Variants in PTK2 observed in about 807,000 individuals in gnomAD.
PTK2 encodes the protein protein tyrosine kinase 2.
In PTK2, 45 loss-of-function variants were observed where a neutral mutation model predicts 150.1. The observed-to-expected ratio is 0.30, with a 90% CI of 0.24 to 0.38. The LOEUF is 0.38. Among genes scored for constraint, PTK2 ranks in the 10% least tolerant of loss-of-function variants. The pLI is 1.00. For missense variants in PTK2, 919 were observed against 1,307.3 expected (o/e 0.70, Z 4.58); for synonymous variants, 432 against 449.2 (o/e 0.96, Z 0.48).
chr8:140,662,228 T>C (rs913976050), intron 31 of PTK2, among the ~76,000 whole-genome samples: 2 of 151,590 alleles, frequency 1.3e-5, no homozygotes, highest in African/African-American at 4.9e-5. Context: ...GCTCAGGAGT[T>C]GGAGGTTATA....
At chr8:140,911,281 G>A (rs2100163049) in intron 2 of PTK2, among the ~76,000 whole-genome samples, 1 of 151,932 alleles carries the variant, frequency 6.6e-6, no homozygotes, top group African/African-American at 2.4e-5. Context: ...GTAATATTTA[G>A]TGAAGAGCCG....
chr8:140,804,871 T>C (rs979584906), intron 10 of PTK2, among the ~76,000 whole-genome samples: 11 of 152,202 alleles, frequency 7.2e-5, no homozygotes, highest in African/African-American at 2.2e-4. Context: ...AGGCTTCTCA[T>C]AGCATGTCCC....
chr8:140,739,106 A>G, exon 21 of PTK2: 1 of 1,536,076 alleles, frequency 6.5e-7, no homozygotes, highest in Non-Finnish European at 8.8e-7. Context: ...TTCCTTTGGA[A>G]GCTAGAAGAT....
intron 26 of PTK2, among the ~76,000 whole-genome samples, chr8:140,689,092 A>G (rs955315840): frequency 9.8e-5 from 15 of 152,298 alleles, no homozygotes; most frequent in Middle Eastern, 3.4e-3. Context: ...ACATGAATAG[A>G]CAGAAAGGAA....
chr8:140,844,183 A>C (rs2100123949), intron 7 of PTK2, among the ~76,000 whole-genome samples: 1 of 152,202 alleles, frequency 6.6e-6, no homozygotes, highest in African/African-American at 2.4e-5. Context: ...TTATGGTTGC[A>C]CACTATCAAC....
At chr8:140,721,007 T>C (rs1592115919) in intron 22 of PTK2, among the ~76,000 whole-genome samples, 1 of 152,206 alleles carries the variant, frequency 6.6e-6, no homozygotes, top group East Asian at 1.9e-4. Context: ...TCCGCCCGCC[T>C]TGGCCTTCCA....
intron 2 of PTK2, chr8:140,909,672 T>C (rs1014073019): frequency 1.3e-5 from 2 of 152,134 alleles, no homozygotes; most frequent in East Asian, 1.9e-4. Flanking sequence ...CCAAGATACA[T>C]GAAACAAAGT....
At chr8:140,784,767 C>T (rs2100083930) in intron 14 of PTK2, among the ~76,000 whole-genome samples, 1 of 152,156 alleles carries the variant, frequency 6.6e-6, no homozygotes, top group African/African-American at 2.4e-5. Flanking sequence ...ACAATACAGG[C>T]AGGGACACAT....
intron 14 of PTK2, among the ~76,000 whole-genome samples, chr8:140,774,527 C>G (rs2100077310): frequency 6.6e-6 from 1 of 152,070 alleles, no homozygotes; most frequent in South Asian, 2.1e-4. Context: ...GTAGCGTGGT[C>G]CTATTATCAG....
intron 1 of PTK2, among the ~76,000 whole-genome samples, chr8:140,926,489 G>A (rs896201778): frequency 1.3e-5 from 2 of 152,150 alleles, no homozygotes; most frequent in Non-Finnish European, 2.9e-5. Context: ...AGGAAGAGAA[G>A]AAACACAGCA....
At chr8:140,828,794 C>T (rs2100113500) in intron 8 of PTK2, among the ~76,000 whole-genome samples, 1 of 152,206 alleles carries the variant, frequency 6.6e-6, no homozygotes, top group Non-Finnish European at 1.5e-5. Context: ...AAAAACATTC[C>T]AGGTCAAACT....
chr8:140,798,074 T>G (rs1410396534), intron 12 of PTK2, among the ~76,000 whole-genome samples: 2 of 152,200 alleles, frequency 1.3e-5, no homozygotes, highest in African/African-American at 4.8e-5. Context: ...TCATGCTATG[T>G]TATGCATATA....
chr8:140,744,526 T>C (rs1426874564), intron 19 of PTK2, 126 bp downstream of exon 22: 4 of 483,482 alleles, frequency 8.3e-6, no homozygotes, highest in Non-Finnish European at 1.5e-5. Flanking sequence ...TTTTGTAGAA[T>C]TGGTACAAAA....
chr8:140,944,222 T>C (rs889850350), intron 1 of PTK2, among the ~76,000 whole-genome samples: 2 of 152,226 alleles, frequency 1.3e-5, no homozygotes, highest in Non-Finnish European at 2.9e-5. Flanking sequence ...AACTACACTC[T>C]TCCCTCAGTA....
intron 15 of PTK2, among the ~76,000 whole-genome samples, chr8:140,761,991 A>C (rs1267510394): frequency 6.6e-6 from 1 of 152,124 alleles, no homozygotes; most frequent in Non-Finnish European, 1.5e-5. Context: ...ATGCCCATTA[A>C]GAATGTAATA....
At chr8:140,846,230 G>C in intron 7 of PTK2, 30 bp downstream of exon 7, 1 of 1,507,900 alleles carries the variant, frequency 6.6e-7, no homozygotes, top group African/African-American at 1.4e-5. Context: ...CTGCATATTT[G>C]CAGGTATAGA....
At chr8:140,841,324 A>G (rs2100122209) in intron 7 of PTK2, among the ~76,000 whole-genome samples, 1 of 152,144 alleles carries the variant, frequency 6.6e-6, no homozygotes, top group East Asian at 1.9e-4. Context: ...ACACTAGGGG[A>G]AAATGATCTT....
chr8:140,957,843 T>C (rs919469705), intron 1 of PTK2, among the ~76,000 whole-genome samples: 3 of 152,182 alleles, frequency 2.0e-5, no homozygotes, highest in African/African-American at 7.2e-5. Flanking sequence ...TAGGCTACCA[T>C]CTAAATTTGC....
chr8:140,829,994 G>C (rs2100114339), intron 8 of PTK2, among the ~76,000 whole-genome samples: 1 of 152,096 alleles, frequency 6.6e-6, no homozygotes, highest in Non-Finnish European at 1.5e-5. Flanking sequence ...AAGAACTGAG[G>C]CTCTGCCAAA....
Sources: gnomAD v4.1 joint callset for allele counts (sites outside exome capture counted in the v4.1 genomes callset) on GRCh38, gnomAD v4.1.1 for gene constraint, MANE v1.5 for transcripts, NCBI Gene and HGNC (gene_info 2026-07-23, HGNC 2026-07-21) for gene names.